Variants in BTAF1 observed in about 807,000 individuals in gnomAD.
BTAF1 encodes TATA-binding protein-associated factor 172.
Under a neutral mutation model 227.1 loss-of-function variants are expected in BTAF1, and 38 were observed. The ratio of observed to expected loss-of-function variants is 0.17; its 90% CI spans 0.13 to 0.22. The LOEUF (loss-of-function observed/expected upper bound fraction) is 0.22, where lower values mean the gene tolerates loss of function less well. Among genes scored for constraint, BTAF1 ranks in the 10% least tolerant of loss-of-function variants. The probability of loss-of-function intolerance (pLI) is 1.00; values close to 1 mark genes in which losing one functional copy is unlikely to be tolerated. For synonymous variants in BTAF1, 742 were observed against 751.9 expected, an observed-to-expected ratio of 0.99 and a Z score of 0.21; for missense variants, 1,598 against 2,204.0, an observed-to-expected ratio of 0.73 and a Z score of 5.51.
intron 5 of BTAF1, among the ~76,000 whole-genome samples, chr10:91,953,070 A>G (rs1191658801): frequency 1.3e-5 from 2 of 152,200 alleles, no homozygotes; most frequent in African/African-American, 2.4e-5. Context: ...CATTGCTTAT[A>G]TATGTGCCCA....
intron 1 of BTAF1, among the ~76,000 whole-genome samples, chr10:91,928,767 C>G (rs1024593645): frequency 7.4e-6 from 1 of 134,304 alleles, no homozygotes; most frequent in African/African-American, 3.1e-5. Context: ...CCATCCCCCC[C>G]CCCCCCGCCC....
Position 91,959,140 on chromosome 10 carries a change from A to G in BTAF1, c.976A>G (p.Ser326Gly), listed in dbSNP as rs748376847. The change falls in exon 9 of 38, where the codon AGC becomes GGC. Residue 326 changes from serine (S) to glycine (G), a missense_variant. Physicochemically the swap from Ser to Gly is moderately conservative, Grantham distance 56 (BLOSUM62 0). Around this residue, in one of 10 missense-constraint regions of BTAF1, gnomAD observed 298 missense variants for 395.2 expected, o/e 0.75. Transcript: ENST00000265990. ...HGKSGGKMGD[S>G]TLEEMIQQHQ... ...GAAAAGTGGTGGTAAAATGGGTGAC[A>G]GCACTTTAGAAGAGGTAAGTGTATT... 1 of 1,614,158 alleles carries G rather than the reference A, an allele frequency of 6.2e-7. No individual in the cohort carries two copies. Among genetic ancestry groups the G allele is most frequent in the Non-Finnish European group, 8.5e-7 (1 of 1,179,998 alleles).
chr10:91,923,793 T>C lies in BTAF1; in HGVS notation c.-284T>C. 2.5e-6 allele frequency: 1 copy of C among 397,504 alleles called. No individual in the cohort carries two copies. 24.6% of individuals were successfully genotyped at this position (397,504 alleles called of 1,614,324 possible). On this transcript the variant is annotated 5_prime_UTR_variant, in exon 1 of 38. Transcript: ENST00000265990. The stretch of plus-strand genomic sequence containing the variant: ...TCAGTTGTGCGTGCCGACGCCCGCG[T>C]CAGCAAAGAGCGGAGCTGAGGGTAC...
rs1848486640 is a variant in BTAF1, at chr10:91,987,488, A to C, written c.2428-1666A>C. On this transcript the variant is annotated intron_variant, in intron 19 of 37. Coordinates refer to ENST00000265990, the MANE Select transcript of BTAF1 (RefSeq NM_003972.3). ...ACAGAGTGAGACTTGGTCTCAAAAAAAAAAAGAAAGTCTCATGTTTAATCT... is the reference window on the plus strand; with the variant it reads ...ACAGAGTGAGACTTGGTCTCAAAAACAAAAAGAAAGTCTCATGTTTAATCT... Among the ~76,000 whole-genome samples, 6 of 152,168 alleles carry C rather than the reference A, an allele frequency of 3.9e-5. No homozygotes were observed. In the South Asian group the frequency reaches 1.2e-3, roughly 32 times the overall value.
chr10:92,024,677 C>G (rs952839846), intron 34 of BTAF1, 79 bp from the exon 35 acceptor site: 4 of 1,221,624 alleles, frequency 3.3e-6, no homozygotes, highest in Admixed American at 4.8e-5. Flanking sequence ...TTTCTTGCCA[C>G]AGAGAGGAAT....
At position 91,924,018 on chromosome 10, in the gene BTAF1, A is replaced by G; in HGVS notation, c.-59A>G. ...TGCGCCGCTCAGCTCTCTGGAAACT[A>G]GCGCCTCAGCTGCGCGGCGCGTAGG... On this transcript the variant is annotated 5_prime_UTR_variant, in exon 1 of 38. Transcript: ENST00000265990. The G allele has an allele frequency of 1.2e-5, 19 of 1,584,288 alleles. No homozygotes were observed. The highest frequency in any genetic ancestry group is 1.6e-5 in the Non-Finnish European group (19 of 1,168,328).
At position 92,011,111 on chromosome 10, in the gene BTAF1, C is replaced by T. The variant is rs1850262890; in HGVS notation, c.4142C>T (p.Ala1381Val). The change falls in exon 29 of 38, where the codon GCT becomes GTT. Residue 1381 changes from alanine (A) to valine (V), a missense_variant. Physicochemically the swap from Ala to Val is moderately conservative, Grantham distance 64 (BLOSUM62 0). This residue lies in a region of BTAF1 where 184 missense variants were observed against 341.1 expected (regional missense o/e 0.54). Transcript: ENST00000265990. The part of the protein sequence containing the change: ...HQVKRHNLIV[A>V]SYDVVRNDID... ...GTAAAAAGGCACAATCTAATAGTGG[C>T]TTCATATGATGTTGTGAGGAATGAC... 1 of 1,605,318 alleles carries T rather than the reference C, an allele frequency of 6.2e-7. No homozygotes were observed. Among genetic ancestry groups the T allele is most frequent in the Non-Finnish European group, 8.5e-7 (1 of 1,176,938 alleles).
chr10:92,013,993 T>A lies in BTAF1; in HGVS notation c.4548T>A (p.Ile1516=). The change falls in exon 32 of 38, where the codon ATT becomes ATA. Residue 1516 remains isoleucine (I), a synonymous_variant. Transcript: ENST00000265990. ...EDVLQDLPPK[I]IQDYYCTLSP... The stretch of plus-strand genomic sequence containing the variant: ...TTTTGCAGGATCTTCCACCTAAAAT[T>A]ATTCAAGACTATTATTGTACTCTTA... 6.2e-7 allele frequency: 1 copy of A among 1,613,580 alleles called. No homozygotes were observed. Among genetic ancestry groups the A allele is most frequent in the Non-Finnish European group, 8.5e-7 (1 of 1,179,848 alleles).
chr10:91,938,304 T>C (rs1003981428), intron 2 of BTAF1, among the ~76,000 whole-genome samples: 10 of 152,236 alleles, frequency 6.6e-5, no homozygotes, highest in African/African-American at 2.4e-4. Flanking sequence ...ACATCACTTC[T>C]GCTTTTGGTG....
chr10:92,024,657 C>T, intron 34 of BTAF1, 99 bp from the exon 35 acceptor site: 4 of 1,009,308 alleles, frequency 4.0e-6, no homozygotes, highest in Non-Finnish European at 5.7e-6. Flanking sequence ...ATTTCAGGTA[C>T]ATTTAACCTT....
At chr10:91,990,216 T>C (rs1003348254) in intron 20 of BTAF1, among the ~76,000 whole-genome samples, 12 of 152,222 alleles carry the variant, frequency 7.9e-5, no homozygotes, top group Non-Finnish European at 1.6e-4. Flanking sequence ...AAACAAATTA[T>C]TTGAAATGTA....
At chr10:91,944,957 T>C (rs1477089513) in intron 4 of BTAF1, among the ~76,000 whole-genome samples, 1 of 152,218 alleles carries the variant, frequency 6.6e-6, no homozygotes, top group Non-Finnish European at 1.5e-5. Flanking sequence ...CCTACAGTAT[T>C]TAGTAACATG....
chr10:91,988,501 T>C (rs1395433825), intron 19 of BTAF1, among the ~76,000 whole-genome samples: 1 of 152,260 alleles, frequency 6.6e-6, no homozygotes, highest in Non-Finnish European at 1.5e-5. Context: ...CTGAACAGTC[T>C]TTCAATGGGG....
At chr10:91,945,223 C>T (rs1189675989) in intron 4 of BTAF1, among the ~76,000 whole-genome samples, 4 of 151,620 alleles carry the variant, frequency 2.6e-5, no homozygotes, top group Non-Finnish European at 2.9e-5. Context: ...TATATGACAG[C>T]GTATATCAGT....
chr10:91,950,937 C>T (rs1486879524), intron 4 of BTAF1, among the ~76,000 whole-genome samples: 1 of 151,314 alleles, frequency 6.6e-6, no homozygotes, highest in East Asian at 1.9e-4. Flanking sequence ...TGAAGCAAGC[C>T]TCTCGCCTTC....
At position 91,923,808 on chromosome 10, in the gene BTAF1, G is replaced by C. The variant is rs1216948407; in HGVS notation, c.-269G>C. Reference sequence around the variant, plus strand: ...GACGCCCGCGTCAGCAAAGAGCGGAGCTGAGGGTACCCGGTTTGAAGTCGT... The same window carrying C: ...GACGCCCGCGTCAGCAAAGAGCGGACCTGAGGGTACCCGGTTTGAAGTCGT... On this transcript the variant is annotated 5_prime_UTR_variant, in exon 1 of 38. Transcript: ENST00000265990. 3 of 420,332 alleles carry C rather than the reference G, an allele frequency of 7.1e-6. No homozygotes were observed. The highest frequency in any genetic ancestry group is 1.3e-5 in the Non-Finnish European group (3 of 236,446). The allele number at this position is 420,332 out of a possible 1,614,324, so 26.0% of individuals were successfully genotyped here.
intron 16 of BTAF1, 24 bp from the exon 17 acceptor site, chr10:91,982,058 GT>G (rs762009723): frequency 3.3e-5 from 52 of 1,572,328 alleles, no homozygotes; most frequent in Middle Eastern, 1.7e-4. Context: ...AATCTTTATT[GT>G]TTTTTTTTCC....
intron 26 of BTAF1, 30 bp from the exon 27 acceptor site, chr10:92,008,799 A>G (rs773568802): frequency 7.8e-6 from 12 of 1,532,790 alleles, no homozygotes; most frequent in Non-Finnish European, 1.1e-5. Context: ...TTTATGATGT[A>G]TTCACATTTA....
rs1564699914 is a variant in BTAF1, at chr10:91,991,271, A to ATATATATATATATATAT, written c.2855-848_2855-847insTATATATATATATATAT. On this transcript the variant is annotated intron_variant, in intron 20 of 37. Coordinates refer to ENST00000265990, the MANE Select transcript of BTAF1 (RefSeq NM_003972.3). The stretch of plus-strand genomic sequence containing the variant: ...AAAAAAATATATAAATATAAATATA[A>ATATATATATATATATAT]ATATATATATATATATATATAAATT... 7.8e-3 allele frequency among the ~76,000 whole-genome samples: 516 copies of ATATATATATATATATAT among 65,964 alleles called. 11 individuals carry two copies. The highest frequency in any genetic ancestry group is 0.015 in the South Asian group (25 of 1,688). The allele number at this position is 65,964 out of a possible 152,430, so 43.3% of individuals were successfully genotyped here.
Sources: gnomAD v4.1 joint callset for allele counts (sites outside exome capture counted in the v4.1 genomes callset) on GRCh38, gnomAD v4.1.1 for gene constraint, gnomAD v4.1.1 regional missense constraint, MANE v1.5 for transcripts, NCBI Gene and HGNC (gene_info 2026-07-23, HGNC 2026-07-21) for gene names.